Variants in SEC22A observed in about 807,000 individuals in gnomAD.
SEC22A encodes the protein vesicle-trafficking protein SEC22a.
SEC22A carries 22 observed loss-of-function variants against 35.3 expected under a neutral mutation model. That is an observed-to-expected ratio of 0.62 (90% CI 0.45 to 0.89). SEC22A has a LOEUF of 0.89. Ranked by LOEUF, SEC22A falls within the 40% of genes least tolerant of loss-of-function variation. SEC22A has a pLI of 0.00. For missense variants in SEC22A, 354 were observed against 362.5 expected (o/e 0.98, Z 0.19); for synonymous variants, 119 against 129.5 (o/e 0.92, Z 0.55).
At chr3:123,248,511 G>A (rs932729882) in intron 5 of SEC22A, among the ~76,000 whole-genome samples, 1 of 152,118 alleles carries the variant, frequency 6.6e-6, no homozygotes, top group Non-Finnish European at 1.5e-5. Flanking sequence ...AGACACTTCA[G>A]AGTAAATCTA....
intron 4 of SEC22A, among the ~76,000 whole-genome samples, chr3:123,231,307 A>G (rs1443605538): frequency 6.6e-6 from 1 of 152,228 alleles, no homozygotes; most frequent in African/African-American, 2.4e-5. Flanking sequence ...ACCATATGCC[A>G]GTGAGACATA....
chr3:123,256,766 T>C (rs2095272919), intron 5 of SEC22A, among the ~76,000 whole-genome samples: 1 of 148,326 alleles, frequency 6.7e-6, no homozygotes, highest in African/African-American at 2.5e-5. Context: ...TCCTTTTTTT[T>C]TTTTTTTTTT....
At chr3:123,230,146 T>C (rs1319941777) in intron 4 of SEC22A, among the ~76,000 whole-genome samples, 1 of 152,090 alleles carries the variant, frequency 6.6e-6, no homozygotes, top group Non-Finnish European at 1.5e-5. Flanking sequence ...CTCGTAAAAA[T>C]ACATTAATGC....
At chr3:123,262,721 A>G (rs983890393) in intron 6 of SEC22A, among the ~76,000 whole-genome samples, 7 of 152,248 alleles carry the variant, frequency 4.6e-5, no homozygotes, top group Non-Finnish European at 7.3e-5. Flanking sequence ...TATTAAATAC[A>G]TTTTTAACTT....
chr3:123,224,165 C>T (rs757530018), intron 3 of SEC22A, among the ~76,000 whole-genome samples: 6 of 151,614 alleles, frequency 4.0e-5, no homozygotes, highest in Admixed American at 2.0e-4. Context: ...ATAGGCAGTA[C>T]GTAAATGAGT....
In SEC22A at chr3:123,245,922, AC is replaced by A; in HGVS notation, c.566del (p.Thr189IlefsTer6). The A allele has an allele frequency of 6.2e-7, 1 of 1,609,632 alleles. No individual in the cohort carries two copies. The highest frequency in any genetic ancestry group is 1.1e-5 in the South Asian group (1 of 90,596). On this transcript the variant is annotated frameshift_variant, in exon 5 of 7. Transcript: ENST00000492595. LOFTEE classifies it high-confidence loss of function. The stretch of plus-strand genomic sequence containing the variant: ...AGCTCACCAGCGACTGGAACCAGCA[AC>A]TCTGTCAGGGATTGTAGGATTTATC... ...SSAHQRLEPA[T>X]LSGIVGFILS...
rs371408546 is a variant in SEC22A at position 123,227,153 on chromosome 3, A to G, written c.541+1856A>G. 1.6e-4 allele frequency among the ~76,000 whole-genome samples: 24 copies of G among 152,160 alleles called. No homozygotes were observed. The East Asian group carries it at 4.3e-3, about 27-fold the overall frequency. ...TTTTGCTTAAAATGAACACCTCATT[A>G]TTTTATAAGGTAGCATATGCCATTG... On this transcript the variant is annotated intron_variant, in intron 4 of 6. Coordinates refer to ENST00000492595, the MANE Select transcript of SEC22A (RefSeq NM_012430.5).
At position 123,225,146 on chromosome 3, in the gene SEC22A, G is replaced by A; in HGVS notation, c.390G>A (p.Arg130=). ...QRTKQRYNNP[R]SLSTKINLSD... ...CCAAGCAGCGATATAATAATCCCAG[G>A]TCTCTTTCAACAAAGATAAATCTTT... is the stretch of plus-strand genomic sequence containing the variant. Residue 130 remains arginine, a synonymous_variant, in exon 4 of 7, where the codon AGG becomes AGA. Transcript: ENST00000492595. The A allele has an allele frequency of 6.2e-7, 1 of 1,613,120 alleles. No individual in the cohort carries two copies. Among genetic ancestry groups the A allele is most frequent in the South Asian group, 1.1e-5 (1 of 90,954 alleles).
chr3:123,261,266 T>C (rs1182247613), intron 6 of SEC22A, among the ~76,000 whole-genome samples: 1 of 152,208 alleles, frequency 6.6e-6, no homozygotes, highest in Non-Finnish European at 1.5e-5. Context: ...TGTCACATAG[T>C]GCTTTAATTT....
chr3:123,263,813 C>T (rs1937956713), intron 6 of SEC22A, among the ~76,000 whole-genome samples: 1 of 152,074 alleles, frequency 6.6e-6, no homozygotes, highest in Non-Finnish European at 1.5e-5. Flanking sequence ...TTTTAGTCAG[C>T]ATAATTCTCT....
At chr3:123,260,221 T>G (rs1029624557) in intron 6 of SEC22A, among the ~76,000 whole-genome samples, 1 of 147,148 alleles carries the variant, frequency 6.8e-6, no homozygotes, top group African/African-American at 2.5e-5. Flanking sequence ...CTACTTATAC[T>G]CTAGGCTGAG....
At chr3:123,214,037 A>G (rs946655080) in intron 2 of SEC22A, among the ~76,000 whole-genome samples, 1 of 151,784 alleles carries the variant, frequency 6.6e-6, no homozygotes, top group Non-Finnish European at 1.5e-5. Context: ...TAAAAAAAAT[A>G]AAAAATAAAA....
At chr3:123,242,498 T>C (rs1380354267) in intron 4 of SEC22A, among the ~76,000 whole-genome samples, 1 of 101,054 alleles carries the variant, frequency 9.9e-6, no homozygotes, top group Non-Finnish European at 2.3e-5. Flanking sequence ...TTTTTCCCCA[T>C]TTCTTTTTTT....
chr3:123,245,275 A>C (rs1937557209), intron 4 of SEC22A, among the ~76,000 whole-genome samples: 1 of 152,212 alleles, frequency 6.6e-6, no homozygotes, highest in African/African-American at 2.4e-5. Context: ...CTTTACAAAT[A>C]CTTTCACCTA....
chr3:123,220,083 G>A (rs1455310272), intron 2 of SEC22A, among the ~76,000 whole-genome samples: 1 of 152,172 alleles, frequency 6.6e-6, no homozygotes, highest in Non-Finnish European at 1.5e-5. Context: ...TAAAGACATA[G>A]GGTTTCCTTT....
chr3:123,242,000 G>A (rs1009844353), intron 4 of SEC22A, among the ~76,000 whole-genome samples: 1 of 151,498 alleles, frequency 6.6e-6, no homozygotes, highest in Non-Finnish European at 1.5e-5. Flanking sequence ...TGTTCAATAA[G>A]TCTAATACTT....
At chr3:123,229,773 A>G (rs902115833) in intron 4 of SEC22A, among the ~76,000 whole-genome samples, 1 of 152,066 alleles carries the variant, frequency 6.6e-6, no homozygotes, top group Non-Finnish European at 1.5e-5. Context: ...GAGGCAGGAG[A>G]ATTGCTTGAA....
At chr3:123,260,169 A>AAAAAAAAAAAAAAAAAAAAAAC (rs1559763879) in intron 6 of SEC22A, among the ~76,000 whole-genome samples, 4 of 114,838 alleles carry the variant, frequency 3.5e-5, no homozygotes, top group Middle Eastern at 4.9e-3. Context: ...AAAAAAAAAA[A>AAAAAAAAAAAAAAAAAAAAAAC]CTACTAGATT....
intron 2 of SEC22A, among the ~76,000 whole-genome samples, chr3:123,215,627 T>C (rs1244782218): frequency 6.6e-6 from 1 of 152,132 alleles, no homozygotes; most frequent in Non-Finnish European, 1.5e-5. Context: ...ATAAGGTAAA[T>C]GAGACTTAGG....
Sources: gnomAD v4.1 joint callset for allele counts (sites outside exome capture counted in the v4.1 genomes callset) on GRCh38, gnomAD v4.1.1 for gene constraint, MANE v1.5 for transcripts, NCBI Gene and HGNC (gene_info 2026-07-23, HGNC 2026-07-21) for gene names.